Variants in DENND6A observed in about 807,000 individuals in gnomAD.
DENND6A encodes protein DENND6A.
In DENND6A, 43 loss-of-function variants were observed where a neutral mutation model predicts 95.5. The observed-to-expected ratio is 0.45, with a 90% CI of 0.35 to 0.58. The LOEUF is 0.58. Among genes scored for constraint, DENND6A ranks in the 20% least tolerant of loss-of-function variants. The pLI, the probability that DENND6A is intolerant of heterozygous loss-of-function variation, is 0.00. For synonymous variants in DENND6A, 257 were observed against 260.4 expected, an observed-to-expected ratio of 0.99 and a Z score of 0.13; for missense variants, 574 against 736.0, an observed-to-expected ratio of 0.78 and a Z score of 2.55.
intron 15 of DENND6A, among the ~76,000 whole-genome samples, chr3:57,632,014 G>A (rs1188673434): frequency 5.4e-5 from 7 of 129,128 alleles, no homozygotes; most frequent in Admixed American, 1.7e-4. Context: ...GAGCCACCGC[G>A]CCCGGCCTTT....
chr3:57,634,584 C>A lies in DENND6A; in HGVS notation c.1237G>T (p.Glu413Ter). The A allele has an allele frequency of 6.9e-7, 1 of 1,445,662 alleles. No individual in the cohort carries two copies. The highest frequency in any genetic ancestry group is 1.4e-5 in the South Asian group (1 of 69,150). The allele number at this position is 1,445,662 out of a possible 1,614,324, so 89.6% of individuals were successfully genotyped here. A position where few individuals can be genotyped will look rare whatever the true frequency, so the allele number is the denominator to read the frequency against. The change falls in exon 14 of 20, where the codon GAA becomes TAA. Residue 413 changes from glutamate (E) to a stop codon, truncating the protein, a stop_gained. Transcript: ENST00000311128. LOFTEE classifies it high-confidence loss of function. Reference sequence around the variant, plus strand: ...TTCTGTAATTGTTTTATGATCTCTTCATCTCTATTTAAATATGGCTTATAT... The same window carrying A: ...TTCTGTAATTGTTTTATGATCTCTTAATCTCTATTTAAATATGGCTTATAT... ...TSYKPYLNRD[E>*]EIIKQLQKGV...
intron 3 of DENND6A, 113 bp from the exon 4 acceptor site, chr3:57,666,348 A>G: frequency 1.2e-6 from 1 of 868,248 alleles, no homozygotes. Context: ...CCATTCTGTC[A>G]TGTTTTGGAG....
At chr3:57,685,988 T>C (rs901280837) in intron 1 of DENND6A, among the ~76,000 whole-genome samples, 1 of 152,150 alleles carries the variant, frequency 6.6e-6, no homozygotes, top group African/African-American at 2.4e-5. Context: ...ACTCCAAACA[T>C]GCCTACACAT....
intron 1 of DENND6A, among the ~76,000 whole-genome samples, chr3:57,676,518 G>A (rs1266756841): frequency 6.6e-6 from 1 of 151,838 alleles, no homozygotes; most frequent in East Asian, 1.9e-4. Context: ...ATGGCGCAGA[G>A]CCCTTCTAAA....
chr3:57,665,046 A>C (rs2071505455), intron 4 of DENND6A, among the ~76,000 whole-genome samples: 1 of 152,184 alleles, frequency 6.6e-6, no homozygotes, highest in South Asian at 2.1e-4. Flanking sequence ...CACAAAAGAC[A>C]GAAAAATACA....
At chr3:57,628,556 AC>A (rs1020711206) in intron 19 of DENND6A, among the ~76,000 whole-genome samples, 3 of 152,218 alleles carry the variant, frequency 2.0e-5, no homozygotes, top group African/African-American at 7.2e-5. Context: ...TCATAATAAT[AC>A]CTAGAAATAT....
chr3:57,644,173 A>G (rs552478262), intron 11 of DENND6A, among the ~76,000 whole-genome samples: 2 of 151,666 alleles, frequency 1.3e-5, no homozygotes, highest in East Asian at 1.9e-4. Context: ...AAAAACTATC[A>G]GTCTGAAATC....
chr3:57,667,249 C>CA (rs1320487316), intron 3 of DENND6A, among the ~76,000 whole-genome samples: 6 of 151,998 alleles, frequency 3.9e-5, no homozygotes, highest in African/African-American at 1.5e-4. Context: ...AGGTTGGTCT[C>CA]ACACTCCTGA....
intron 1 of DENND6A, chr3:57,679,572 T>A: frequency 2.0e-6 from 2 of 985,404 alleles, no homozygotes; most frequent in Non-Finnish European, 2.4e-6. Context: ...AGTACAGTAC[T>A]GGTACCAAAA....
chr3:57,688,904 G>A (rs189965621), intron 1 of DENND6A, among the ~76,000 whole-genome samples: 5 of 152,058 alleles, frequency 3.3e-5, no homozygotes, highest in African/African-American at 9.7e-5. Context: ...CAAAAATGCC[G>A]AATATTAATA....
chr3:57,653,941 C>CTTTTTTTTTT (rs1206882170), intron 9 of DENND6A, among the ~76,000 whole-genome samples: 4 of 75,836 alleles, frequency 5.3e-5, no homozygotes, highest in Non-Finnish European at 7.1e-5. Flanking sequence ...TAGAAATTCA[C>CTTTTTTTTTT]TTTTTTTTTT....
intron 1 of DENND6A, among the ~76,000 whole-genome samples, chr3:57,676,930 T>A (rs34283300): frequency 0.16 from 25,073 of 152,128 alleles, 2,680 homozygotes; most frequent in East Asian, 0.48. Flanking sequence ...TTCAAGCGAT[T>A]CTTGTGCCTC....
intron 12 of DENND6A, among the ~76,000 whole-genome samples, chr3:57,636,830 G>T (rs533023492): frequency 2.6e-5 from 4 of 151,796 alleles, no homozygotes; most frequent in African/African-American, 9.7e-5. Flanking sequence ...CCAGCTACTC[G>T]GGAGGCTGAC....
At chr3:57,638,002 C>T (rs183629593) in intron 12 of DENND6A, among the ~76,000 whole-genome samples, 53 of 151,340 alleles carry the variant, frequency 3.5e-4, no homozygotes, top group Non-Finnish European at 7.1e-4. Flanking sequence ...AGTGTGGTGG[C>T]GCACACCTGT....
intron 1 of DENND6A, among the ~76,000 whole-genome samples, chr3:57,678,280 A>G (rs1208810154): frequency 6.6e-6 from 1 of 152,224 alleles, no homozygotes; most frequent in Non-Finnish European, 1.5e-5. Context: ...AGATTCTCCC[A>G]GCACATAAAT....
chr3:57,689,298 T>C (rs2077239543), intron 1 of DENND6A, among the ~76,000 whole-genome samples: 1 of 151,446 alleles, frequency 6.6e-6, no homozygotes, highest in South Asian at 2.1e-4. Flanking sequence ...GCAATGAGTA[T>C]GTTATTATTC....
intron 1 of DENND6A, among the ~76,000 whole-genome samples, chr3:57,679,984 T>C (rs748835777): frequency 3.9e-5 from 6 of 152,178 alleles, no homozygotes; most frequent in African/African-American, 7.2e-5. Context: ...CTAGAACTGT[T>C]AGAAGAGCAG....
Position 57,659,140 on chromosome 3 carries a change from T to C in DENND6A, c.740A>G (p.Gln247Arg). 1 of 1,614,108 alleles carries C rather than the reference T, an allele frequency of 6.2e-7. No homozygotes were observed. The highest frequency in any genetic ancestry group is 8.5e-7 in the Non-Finnish European group (1 of 1,180,008). Reference sequence around the variant, plus strand: ...TACCTGCTGAGTTAACTGCACTATTTGAGTTGTCCCAGGCTTGTCATGACA... The same window carrying C: ...TACCTGCTGAGTTAACTGCACTATTCGAGTTGTCCCAGGCTTGTCATGACA... Reference protein sequence around the residue: ...PTCHDKPGTTQIVQLTQQVDT... With the variant: ...PTCHDKPGTTRIVQLTQQVDT... The change falls in exon 8 of 20, where the codon CAA (glutamine) becomes CGA (arginine). Residue 247 changes from glutamine (Q) to arginine (R), a missense_variant. Physicochemically the swap from Gln to Arg is conservative, Grantham distance 43 (BLOSUM62 1). Transcript: ENST00000311128.
intron 15 of DENND6A, among the ~76,000 whole-genome samples, chr3:57,632,260 G>A (rs1373624020): frequency 4.0e-5 from 6 of 151,380 alleles, no homozygotes; most frequent in African/African-American, 7.3e-5. Flanking sequence ...TCCTGACCTC[G>A]TGATCTGCCC....
Sources: allele counts gnomAD v4.1 joint callset (sites outside exome capture counted in the v4.1 genomes callset), GRCh38; gene constraint gnomAD v4.1.1; transcripts MANE v1.5; gene names NCBI Gene and HGNC (gene_info 2026-07-23, HGNC 2026-07-21).